Variants in FEZF1 observed in about 807,000 individuals in gnomAD.
The protein encoded by FEZF1 is fez family zinc finger protein 1.
Under a neutral mutation model 32.4 loss-of-function variants are expected in FEZF1, and 8 were observed. The ratio of observed to expected loss-of-function variants is 0.25; its 90% CI spans 0.15 to 0.45. The LOEUF is 0.45. Ranked by LOEUF, FEZF1 falls within the 20% of genes least tolerant of loss-of-function variation. The pLI is 1.00. For missense variants in FEZF1, 546 were observed against 622.3 expected, an observed-to-expected ratio of 0.88 and a Z score of 1.31; for synonymous variants, 259 against 265.2, an observed-to-expected ratio of 0.98 and a Z score of 0.23.
In FEZF1 at chr7:122,301,890, G is replaced by T. The variant is rs756895628; in HGVS notation, c.*107C>A. 4 of 1,467,826 alleles carry T rather than the reference G, an allele frequency of 2.7e-6. No homozygotes were observed. The highest frequency in any genetic ancestry group is 2.8e-5 in the African/African-American group (2 of 70,544). The allele number at this position is 1,467,826 out of a possible 1,614,324, so 90.9% of individuals were successfully genotyped here. A position where few individuals can be genotyped will look rare whatever the true frequency, so the allele number is the denominator to read the frequency against. On this transcript the variant is annotated 3_prime_UTR_variant, in exon 4 of 4. Coordinates refer to ENST00000442488, the MANE Select transcript of FEZF1 (RefSeq NM_001024613.4). ...GCTTCTGGTCGGCCCTGAAGTGTGG[G>T]GCCCAACATGCCCTGGGGTCTGCAG...
At chr7:122,304,869 C>G (rs2031225337), upstream of FEZF1, 1 of 156,208 alleles carries the variant, frequency 6.4e-6, no homozygotes, top group Admixed American at 6.5e-5. Flanking sequence ...GGCGGGGGCG[C>G]TTTCACCCGC....
chr7:122,308,722 C>G (rs757914175), upstream of FEZF1, among the ~76,000 whole-genome samples: 10 of 152,138 alleles, frequency 6.6e-5, no homozygotes, highest in Non-Finnish European at 1.2e-4. Flanking sequence ...TGTCCCTGGT[C>G]ATGTTTTTAG....
Position 122,301,934 on chromosome 7 carries a change from C to T in FEZF1, c.*63G>A. The T allele has an allele frequency of 6.5e-7, 1 of 1,531,982 alleles. No homozygotes were observed. Among genetic ancestry groups the T allele is most frequent in the Non-Finnish European group, 8.7e-7 (1 of 1,152,440 alleles). The allele number at this position is 1,531,982 out of a possible 1,614,324, so 94.9% of individuals were successfully genotyped here. A position where few individuals can be genotyped will look rare whatever the true frequency, so the allele number is the denominator to read the frequency against. ...TCTGCAGACGAACTCGGACCAGGAG[C>T]TCTAGTCTGCCGCTGCCTCAGCGTG... On this transcript the variant is annotated 3_prime_UTR_variant, in exon 4 of 4. Coordinates refer to ENST00000442488, the MANE Select transcript of FEZF1 (RefSeq NM_001024613.4).
chr7:122,309,698 A>G (rs1037277447), upstream of FEZF1: 2 of 152,260 alleles, frequency 1.3e-5, no homozygotes, highest in African/African-American at 4.8e-5. Flanking sequence ...ACTGTGGAGC[A>G]ACAGCGTCAA....
At chr7:122,308,673 A>G (rs1369571885), upstream of FEZF1, 1 of 152,206 alleles carries the variant, frequency 6.6e-6, no homozygotes, top group East Asian at 1.9e-4. Flanking sequence ...ATTGGAAAAT[A>G]TTATAACTAA....
chr7:122,302,043 GGCA>G lies in FEZF1; in HGVS notation c.1379_1381del (p.Leu460del). On this transcript the variant is annotated inframe_deletion, in exon 4 of 4. Transcript: ENST00000442488. The surrounding 1 kb of genome is among the most constrained non-coding windows in gnomAD (Gnocchi z 4.4). ...CCCGGGCTGCAGGGGCCCCGGGGTT[GGCA>G]GCGGCGGCTGCAGAGGAGGCAGCGT... 6.2e-7 allele frequency: 1 copy of G among 1,602,320 alleles called. No homozygotes were observed.
At position 122,303,738 on chromosome 7, in the gene FEZF1, C is replaced by T; in HGVS notation, c.700G>A (p.Ala234Thr). The change falls in exon 1 of 4, where the codon GCC becomes ACC. Residue 234 changes from alanine to threonine, a missense_variant. This residue lies in a region of FEZF1 where 345 missense variants were observed against 360.6 expected (regional missense o/e 0.96). Transcript: ENST00000442488. ...GCGATTTTTTCCGACAGAAGCTGGG[C>T]GCTTTCTTTCATGTAATGCTGCAGC... ...AQLQHYMKES[A>T]QLLSEKIAFK... is the part of the protein sequence containing the mutation. 6.2e-7 allele frequency: 1 copy of T among 1,614,208 alleles called. No individual in the cohort carries two copies. The highest frequency in any genetic ancestry group is 1.1e-5 in the South Asian group (1 of 91,092).
rs1467188793 is a variant in FEZF1 at position 122,301,858 on chromosome 7, T to G, written c.*139A>C. The stretch of plus-strand genomic sequence containing the variant: ...ATGCAAGAGGCGAAAGGCCAGGGGA[T>G]GCAGAGGCTTCTGGTCGGCCCTGAA... On this transcript the variant is annotated 3_prime_UTR_variant, in exon 4 of 4. Coordinates refer to ENST00000442488, the MANE Select transcript of FEZF1 (RefSeq NM_001024613.4). 1.7e-6 allele frequency: 2 copies of G among 1,201,844 alleles called. No individual in the cohort carries two copies. The highest frequency in any genetic ancestry group is 2.3e-6 in the Non-Finnish European group (2 of 875,418). 74.4% of individuals were successfully genotyped at this position (1,201,844 alleles called of 1,614,324 possible).
intron 2 of FEZF1, 34 bp downstream of exon 2, chr7:122,303,143 G>A (rs370329907): frequency 3.1e-6 from 5 of 1,613,474 alleles, no homozygotes; most frequent in Non-Finnish European, 4.2e-6. Context: ...CAGTTCGGAA[G>A]CAAACTAGGT....
upstream of FEZF1, among the ~76,000 whole-genome samples, chr7:122,308,120 T>C (rs965108778): frequency 6.6e-5 from 10 of 152,214 alleles, no homozygotes; most frequent in African/African-American, 1.9e-4. Context: ...AAATAGAAAC[T>C]CTTACAGTTT....
In FEZF1 at chr7:122,304,119, C is replaced by T. The variant is rs1482322585; in HGVS notation, c.319G>A (p.Ala107Thr). The T allele has an allele frequency of 6.3e-7, 1 of 1,593,190 alleles. No homozygotes were observed. Among genetic ancestry groups the T allele is most frequent in the South Asian group, 1.1e-5 (1 of 89,758 alleles). ...AATGCGGGAGCCGAGGGCACCGCCG[C>T]GGGCGCCGCCGGGGCCTCCAGACTG... Reference protein sequence around the residue: ...KASLEAPAAPAAVPSAPAFSC... With the variant: ...KASLEAPAAPTAVPSAPAFSC... The change falls in exon 1 of 4, where the codon GCG becomes ACG. Residue 107 changes from alanine (A) to threonine (T), a missense_variant. Physicochemically the swap from Ala to Thr is moderately conservative, Grantham distance 58. Transcript: ENST00000442488.
rs2031151810 is a variant in FEZF1 at position 122,303,671 on chromosome 7, T to A, written c.767A>T (p.Lys256Met). ...SDFSRGSPNAKPKVFTCEVCG... is the reference protein window; with the variant it reads ...SDFSRGSPNAMPKVFTCEVCG... Reference sequence around the variant, plus strand: ...CACTTCGCAAGTGAAAACTTTGGGCTTGGCATTAGGAGAGCCTCGGCTGAA... The same window carrying A: ...CACTTCGCAAGTGAAAACTTTGGGCATGGCATTAGGAGAGCCTCGGCTGAA... The change falls in exon 1 of 4, where the codon AAG (lysine) becomes ATG (methionine). Residue 256 changes from lysine (K) to methionine (M), a missense_variant. Lys to Met is a moderately conservative substitution (Grantham distance 95). Around this residue, in one of 3 missense-constraint regions of FEZF1, gnomAD observed 345 missense variants for 360.6 expected, o/e 0.96. Transcript: ENST00000442488. 1 of 1,614,074 alleles carries A rather than the reference T, an allele frequency of 6.2e-7. No individual in the cohort carries two copies. Among genetic ancestry groups the A allele is most frequent in the Non-Finnish European group, 8.5e-7 (1 of 1,180,018 alleles).
chr7:122,303,570 G>T lies in FEZF1; in HGVS notation c.801+67C>A, dbSNP rs1035892529. ...GGAAGGAAGGAGGGAAGGAGGGAGGGAGGGAGGGAAGGAAGGAAGGAAGGA... is the reference window on the plus strand; with the variant it reads ...GGAAGGAAGGAGGGAAGGAGGGAGGTAGGGAGGGAAGGAAGGAAGGAAGGA... On this transcript the variant is annotated intron_variant, in intron 1 of 3. Transcript: ENST00000442488. 7 of 1,024,136 alleles carry T rather than the reference G, an allele frequency of 6.8e-6. No individual in the cohort carries two copies. The South Asian group carries it at 7.2e-5, about 11-fold the overall frequency. 63.4% of individuals were successfully genotyped at this position (1,024,136 alleles called of 1,614,324 possible).
In FEZF1 at chr7:122,302,436, C is replaced by A. The variant is rs1006349554; in HGVS notation, c.1070-81G>T. On this transcript the variant is annotated intron_variant, in intron 3 of 3. Transcript: ENST00000442488. This position sits in a 1 kb window ranked among gnomAD's most constrained non-coding sequence, Gnocchi z 4.4. The stretch of plus-strand genomic sequence containing the variant: ...GGAGGAGCAGACACGTGGAAGGTAG[C>A]GCCAGGCAAGCAGAAGAGCCGCCAC... 19 of 1,573,384 alleles carry A rather than the reference C, an allele frequency of 1.2e-5. No homozygotes were observed. The highest frequency in any genetic ancestry group is 1.1e-4 in the Admixed American group (6 of 53,992).
In FEZF1 at chr7:122,303,666, T is replaced by C; in HGVS notation, c.772A>G (p.Lys258Glu). Reference protein sequence around the residue: ...FSRGSPNAKPKVFTCEVCGKV... With the variant: ...FSRGSPNAKPEVFTCEVCGKV... ...CCACACACTTCGCAAGTGAAAACTT[T>C]GGGCTTGGCATTAGGAGAGCCTCGG... The change falls in exon 1 of 4, where the codon AAA becomes GAA. Residue 258 changes from lysine to glutamate, a missense_variant. Lys to Glu is a moderately conservative substitution (Grantham distance 56, BLOSUM62 1). Transcript: ENST00000442488. The C allele has an allele frequency of 1.2e-6, 2 of 1,614,006 alleles. No individual in the cohort carries two copies. Among genetic ancestry groups the C allele is most frequent in the Non-Finnish European group, 1.7e-6 (2 of 1,179,998 alleles).
chr7:122,303,673 G>A lies in FEZF1; in HGVS notation c.765C>T (p.Ala255=). 1 of 1,614,112 alleles carries A rather than the reference G, an allele frequency of 6.2e-7. No individual in the cohort carries two copies. Residue 255 remains alanine, a synonymous_variant, in exon 1 of 4, where the codon GCC becomes GCT. Transcript: ENST00000442488. ...CTTCGCAAGTGAAAACTTTGGGCTTGGCATTAGGAGAGCCTCGGCTGAAAT... is the reference window on the plus strand; with the variant it reads ...CTTCGCAAGTGAAAACTTTGGGCTTAGCATTAGGAGAGCCTCGGCTGAAAT... The part of the protein sequence containing the change: ...TSDFSRGSPN[A]KPKVFTCEVC...
At chr7:122,303,021 C>T (rs1424916015) in intron 2 of FEZF1, 90 bp from the exon 3 acceptor site, 1 of 1,521,276 alleles carries the variant, frequency 6.6e-7, no homozygotes, top group Non-Finnish European at 8.9e-7. Context: ...TGCTTAAACA[C>T]TTTCAAGCAG....
chr7:122,301,720 T>C lies in FEZF1; in HGVS notation c.*277A>G. On this transcript the variant is annotated 3_prime_UTR_variant, in exon 4 of 4. Transcript: ENST00000442488. ...CTCTCCACCCAAGATGAAAAGTCTT[T>C]CCAAATTAAAAAAAAAGAAAAAGAA... 2.6e-6 allele frequency: 1 copy of C among 390,594 alleles called. No homozygotes were observed. The highest frequency in any genetic ancestry group is 1.1e-4 in the South Asian group (1 of 9,378). 24.2% of individuals were successfully genotyped at this position (390,594 alleles called of 1,614,324 possible). A position where few individuals can be genotyped will look rare whatever the true frequency, so the allele number is the denominator to read the frequency against.
upstream of FEZF1, chr7:122,308,689 C>CTT (rs1433426643): frequency 6.6e-6 from 1 of 152,132 alleles, no homozygotes; most frequent in African/African-American, 2.4e-5. Flanking sequence ...ACTAATTCCA[C>CTT]TTTCTGCCCT....
Sources: gnomAD v4.1 joint callset for allele counts (sites outside exome capture counted in the v4.1 genomes callset) on GRCh38, gnomAD v4.1.1 for gene constraint, gnomAD v4.1.1 regional missense constraint, Gnocchi (gnomAD v3.1) non-coding constraint, MANE v1.5 for transcripts, NCBI Gene and HGNC (gene_info 2026-07-23, HGNC 2026-07-21) for gene names.